The following EBF1 variants were observed in gnomAD, a reference collection of about 807,000 sequenced individuals.
The protein encoded by EBF1 is transcription factor COE1.
A neutral mutation model predicts 68.4 loss-of-function variants in EBF1; 10 were observed. The observed-to-expected ratio is 0.15, with a 90% CI of 0.09 to 0.25. EBF1 has a LOEUF of 0.25. EBF1 is among the 10% of genes least tolerant of loss of function. EBF1 has a pLI of 1.00. For synonymous variants in EBF1, 298 were observed against 299.8 expected, an observed-to-expected ratio of 0.99 and a Z score of 0.06; for missense variants, 509 against 794.4, an observed-to-expected ratio of 0.64 and a Z score of 4.32.
At chr5:158,991,190 AAT>A (rs1471119756) in intron 6 of EBF1, among the ~76,000 whole-genome samples, 1 of 152,252 alleles carries the variant, frequency 6.6e-6, no homozygotes, top group Non-Finnish European at 1.5e-5. Flanking sequence ...GAATTAAAGA[AAT>A]ATGTTCCACA....
intron 6 of EBF1, among the ~76,000 whole-genome samples, chr5:158,949,602 T>A (rs1484991814): frequency 6.6e-6 from 1 of 152,188 alleles, no homozygotes; most frequent in Non-Finnish European, 1.5e-5. Context: ...GTAAGATAAT[T>A]TCCTAGAAGA....
At chr5:158,743,566 T>C (rs1766911315) in intron 10 of EBF1, among the ~76,000 whole-genome samples, 1 of 152,214 alleles carries the variant, frequency 6.6e-6, no homozygotes, top group African/African-American at 2.4e-5. Flanking sequence ...GCAGCATTAT[T>C]GTAATAATCC....
In EBF1 at chr5:158,698,851, T is replaced by G; in HGVS notation, c.*260A>C. The G allele has an allele frequency of 2.7e-6, 1 of 364,794 alleles. No homozygotes were observed. Among genetic ancestry groups the G allele is most frequent in the Non-Finnish European group, 4.9e-6 (1 of 204,696 alleles). 22.6% of individuals were successfully genotyped at this position (364,794 alleles called of 1,614,324 possible). A position where few individuals can be genotyped will look rare whatever the true frequency, so the allele number is the denominator to read the frequency against. On this transcript the variant is annotated 3_prime_UTR_variant, in exon 16 of 16. Transcript: ENST00000313708. Reference sequence around the variant, plus strand: ...AAAAAAAAGAAAAAGAAAAAGTGGATTTGCTTTTGTCAATACAGAATAAAT... The same window carrying G: ...AAAAAAAAGAAAAAGAAAAAGTGGAGTTGCTTTTGTCAATACAGAATAAAT...
At chr5:158,807,823 T>A (rs1352151292) in intron 8 of EBF1, among the ~76,000 whole-genome samples, 1 of 152,164 alleles carries the variant, frequency 6.6e-6, no homozygotes, top group Non-Finnish European at 1.5e-5. Context: ...CCTGAAGGAT[T>A]TTTATTGTCA....
chr5:159,095,448 GC>G lies in EBF1; in HGVS notation c.411+171del, dbSNP rs1371803651. ...CGCGTCGAGCCCTCATCCCCACGCG[GC>G]GGTGCAAGCGCATGAATGGACACTG... On this transcript the variant is annotated intron_variant, in intron 4 of 15. Transcript: ENST00000313708. 2.0e-5 allele frequency among the ~76,000 whole-genome samples: 3 copies of G among 152,266 alleles called. No homozygotes were observed. The East Asian group carries it at 5.8e-4, about 29-fold the overall frequency.
chr5:159,082,352 C>G (rs906697943), intron 5 of EBF1, among the ~76,000 whole-genome samples: 1 of 152,190 alleles, frequency 6.6e-6, no homozygotes, highest in African/African-American at 2.4e-5. Context: ...ATTTTAAAAT[C>G]CAGGGCCCTC....
chr5:158,833,755 C>G (rs1459769498), intron 7 of EBF1, among the ~76,000 whole-genome samples: 2 of 152,164 alleles, frequency 1.3e-5, no homozygotes, highest in African/African-American at 4.8e-5. Flanking sequence ...TGCCTTGTAC[C>G]ATTATGTGAG....
At chr5:158,900,338 C>T (rs888986878) in intron 6 of EBF1, among the ~76,000 whole-genome samples, 3 of 152,142 alleles carry the variant, frequency 2.0e-5, no homozygotes, top group African/African-American at 7.2e-5. Flanking sequence ...TGTCTCCACT[C>T]CTCTATCACT....
chr5:158,925,686 A>G (rs1809545340), intron 6 of EBF1, among the ~76,000 whole-genome samples: 1 of 152,180 alleles, frequency 6.6e-6, no homozygotes, highest in South Asian at 2.1e-4. Context: ...ACAGAGCCAC[A>G]CCCCACACTG....
intron 11 of EBF1, among the ~76,000 whole-genome samples, chr5:158,714,450 T>C (rs1419475940): frequency 6.6e-6 from 1 of 152,250 alleles, no homozygotes; most frequent in Non-Finnish European, 1.5e-5. Flanking sequence ...AGCACTCATA[T>C]GTTTATTGCT....
chr5:158,723,712 C>G (rs561540058), intron 11 of EBF1, among the ~76,000 whole-genome samples: 1 of 152,048 alleles, frequency 6.6e-6, no homozygotes, highest in South Asian at 2.1e-4. Context: ...GTTACTTGTC[C>G]TGTATAAATC....
chr5:159,054,831 C>A (rs1774453996), intron 6 of EBF1, among the ~76,000 whole-genome samples: 1 of 152,206 alleles, frequency 6.6e-6, no homozygotes, highest in African/African-American at 2.4e-5. Context: ...AACCTCTGCC[C>A]ACAACCTTTT....
chr5:159,011,654 T>C (rs1452503666), intron 6 of EBF1, among the ~76,000 whole-genome samples: 2 of 152,212 alleles, frequency 1.3e-5, no homozygotes, highest in African/African-American at 4.8e-5. Flanking sequence ...ACCTCCTGCA[T>C]CAAGAAACAA....
At chr5:158,720,008 C>T (rs1761593376) in intron 11 of EBF1, among the ~76,000 whole-genome samples, 2 of 152,126 alleles carry the variant, frequency 1.3e-5, no homozygotes, top group Admixed American at 1.3e-4. Flanking sequence ...TGTCACTGCA[C>T]ATTTCCCTGA....
chr5:158,993,062 G>A (rs867925618), intron 6 of EBF1, among the ~76,000 whole-genome samples: 11 of 149,650 alleles, frequency 7.4e-5, no homozygotes, highest in Admixed American at 2.0e-4. Flanking sequence ...CCAAGTAGCC[G>A]GGATTACAGG....
chr5:158,835,953 C>A (rs921294664), intron 7 of EBF1, among the ~76,000 whole-genome samples: 3 of 152,128 alleles, frequency 2.0e-5, no homozygotes, highest in African/African-American at 4.8e-5. Context: ...ATCATCGCTA[C>A]CAATATCGAT....
intron 6 of EBF1, among the ~76,000 whole-genome samples, chr5:158,852,100 G>A (rs1204053547): frequency 6.9e-6 from 1 of 143,996 alleles, no homozygotes; most frequent in African/African-American, 2.6e-5. Flanking sequence ...AGGGGTTCTT[G>A]TTTGCGTTAG....
At chr5:158,753,027 C>A (rs879915961) in intron 10 of EBF1, among the ~76,000 whole-genome samples, 1 of 151,930 alleles carries the variant, frequency 6.6e-6, no homozygotes. Flanking sequence ...TGTTTTCGCT[C>A]GCTCAACACC....
At chr5:158,987,849 G>C (rs1237349222) in intron 6 of EBF1, among the ~76,000 whole-genome samples, 1 of 152,126 alleles carries the variant, frequency 6.6e-6, no homozygotes, top group Non-Finnish European at 1.5e-5. Flanking sequence ...TGCAACCAAG[G>C]CTAGATAGTA....
Sources: allele counts gnomAD v4.1 joint callset (sites outside exome capture counted in the v4.1 genomes callset), GRCh38; gene constraint gnomAD v4.1.1; transcripts MANE v1.5; gene names NCBI Gene and HGNC (gene_info 2026-07-23, HGNC 2026-07-21).